ST6GALNAC6: variants seen among roughly 807,000 people sequenced by gnomAD.
ST6GALNAC6 encodes the protein alpha-N-acetylgalactosaminide alpha-2,6-sialyltransferase 6.
A neutral mutation model predicts 34.3 loss-of-function variants in ST6GALNAC6; 19 were observed. The observed-to-expected ratio is 0.55, with a 90% CI of 0.39 to 0.81. The LOEUF (loss-of-function observed/expected upper bound fraction) is 0.81, where lower values mean the gene tolerates loss of function less well. Ranked by LOEUF, ST6GALNAC6 falls within the 40% of genes least tolerant of loss-of-function variation. The pLI is 0.00. For missense variants in ST6GALNAC6, 377 were observed against 467.7 expected (o/e 0.81, Z 1.79); for synonymous variants, 185 against 182.1 (o/e 1.02, Z -0.13).
At position 127,899,572 on chromosome 9, in the gene ST6GALNAC6, G is replaced by A. The variant is rs933909823; in HGVS notation, c.-99C>T. 10 of 981,148 alleles carry A rather than the reference G, an allele frequency of 1.0e-5. No homozygotes were observed. In the South Asian group the frequency reaches 2.3e-4, roughly 23 times the overall value. 60.8% of individuals were successfully genotyped at this position (981,148 alleles called of 1,614,324 possible). ...CACATGGCGCCGGGAGCCGAGCGCCGGGGTCCGCGCTCCTCAGGCCGCCCA... is the reference window on the plus strand; with the variant it reads ...CACATGGCGCCGGGAGCCGAGCGCCAGGGTCCGCGCTCCTCAGGCCGCCCA... On this transcript the variant is annotated 5_prime_UTR_variant, in exon 1 of 7. Coordinates refer to ENST00000373146, the MANE Select transcript of ST6GALNAC6 (RefSeq NM_013443.5).
In ST6GALNAC6 at chr9:127,885,368, G is replaced by A. The variant is rs564641365; in HGVS notation, c.*1231C>T. The A allele has an allele frequency of 3.3e-4, 51 of 152,530 alleles. No homozygotes were observed. The highest frequency in any genetic ancestry group is 1.2e-3 in the African/African-American group (49 of 41,572). 9.4% of individuals were successfully genotyped at this position (152,530 alleles called of 1,614,324 possible). ...CCTGTACAAATCATTACAAAACCAA[G>A]TCTGGGGCAGTCACCGCCCCCACCC... On this transcript the variant is annotated 3_prime_UTR_variant, in exon 7 of 7. Transcript: ENST00000373146.
upstream of ST6GALNAC6, chr9:127,905,401 G>C: frequency 1.0e-6 from 1 of 985,564 alleles, no homozygotes; most frequent in African/African-American, 1.7e-5. Flanking sequence ...GGCCAACCCA[G>C]CAGTAAATAC....
At chr9:127,905,590 G>T (rs1830896601), upstream of ST6GALNAC6, 1 of 284,394 alleles carries the variant, frequency 3.5e-6, no homozygotes, top group African/African-American at 2.3e-5. Context: ...GAGGCAGGGA[G>T]TAGGGAGACA....
intron 5 of ST6GALNAC6, among the ~76,000 whole-genome samples, chr9:127,888,200 T>A (rs982298598): frequency 5.3e-5 from 8 of 152,198 alleles, no homozygotes; most frequent in African/African-American, 1.9e-4. Context: ...TGAGACCTCA[T>A]CTCTACAAAA....
Position 127,886,516 on chromosome 9 carries a change from G to A in ST6GALNAC6, c.*83C>T, listed in dbSNP as rs571694375. ...GGAGACACTCCAGCAAGCCTTGATT[G>A]GCCAGAAGATGGTCCCTGGCCTAGC... On this transcript the variant is annotated 3_prime_UTR_variant, in exon 7 of 7. Coordinates refer to ENST00000373146, the MANE Select transcript of ST6GALNAC6 (RefSeq NM_013443.5). 6.4e-7 allele frequency: 1 copy of A among 1,560,918 alleles called. No individual in the cohort carries two copies. The highest frequency in any genetic ancestry group is 1.2e-5 in the South Asian group (1 of 83,382).
chr9:127,904,185 A>G (rs1056713573), upstream of ST6GALNAC6: 1 of 152,284 alleles, frequency 6.6e-6, no homozygotes, highest in African/African-American at 2.4e-5. Context: ...TTCCAGAGGA[A>G]GAAACTGAGG....
chr9:127,893,593 T>C (rs1377481927), intron 4 of ST6GALNAC6, among the ~76,000 whole-genome samples: 2 of 152,194 alleles, frequency 1.3e-5, no homozygotes, highest in East Asian at 3.8e-4. Flanking sequence ...CTCCCACTTT[T>C]CTGAGTGCTA....
intron 2 of ST6GALNAC6, 125 bp from the exon 3 acceptor site, chr9:127,896,457 T>C (rs1366096806): frequency 1.3e-6 from 1 of 795,522 alleles, no homozygotes; most frequent in African/African-American, 1.8e-5. Flanking sequence ...CAGGACTGTA[T>C]CCCTTTTGCA....
Position 127,894,641 on chromosome 9 carries a change from G to A in ST6GALNAC6, c.168C>T (p.Leu56=). Residue 56 remains leucine, a synonymous_variant, in exon 4 of 7, where the codon CTC becomes CTT. Transcript: ENST00000373146. ...TGGCACTGTTGGAGCTGTAGAGGAT[G>A]AGGATGGTGATGAGGGCAAAGAGGA... ...FVILFALITI[L]ILYSSNSANE... 3 of 1,614,224 alleles carry A rather than the reference G, an allele frequency of 1.9e-6. No homozygotes were observed. The highest frequency in any genetic ancestry group is 2.5e-6 in the Non-Finnish European group (3 of 1,180,040).
At chr9:127,899,783 C>A (rs919950351), upstream of ST6GALNAC6, 19 of 433,534 alleles carry the variant, frequency 4.4e-5, no homozygotes, top group Non-Finnish European at 5.5e-5. Flanking sequence ...CCCCACTGGG[C>A]AGCCCGGGGT....
chr9:127,886,531 C>T lies in ST6GALNAC6; in HGVS notation c.*68G>A. 1 of 1,588,358 alleles carries T rather than the reference C, an allele frequency of 6.3e-7. No homozygotes were observed. Among genetic ancestry groups the T allele is most frequent in the South Asian group, 1.1e-5 (1 of 87,316 alleles). Reference sequence around the variant, plus strand: ...AGCCTTGATTGGCCAGAAGATGGTCCCTGGCCTAGCGGCTGGGCGGAGGCT... The same window carrying T: ...AGCCTTGATTGGCCAGAAGATGGTCTCTGGCCTAGCGGCTGGGCGGAGGCT... On this transcript the variant is annotated 3_prime_UTR_variant, in exon 7 of 7. Transcript: ENST00000373146.
intron 3 of ST6GALNAC6, 86 bp from the exon 4 acceptor site, chr9:127,894,777 C>T (rs1245070779): frequency 2.0e-6 from 3 of 1,503,858 alleles, no homozygotes; most frequent in African/African-American, 1.4e-5. Context: ...GCCTGGTTAA[C>T]TCCTGCTTTT....
Position 127,898,151 on chromosome 9 carries a change from T to C in ST6GALNAC6, c.-29-141A>G, listed in dbSNP as rs1218657682. The stretch of plus-strand genomic sequence containing the variant: ...GGCTCACGTCTGTAATCCCAGCCCT[T>C]TGGGAGGCCGAGGTGGGCAGATCAC... On this transcript the variant is annotated intron_variant, in intron 1 of 6. Transcript: ENST00000373146. 57 of 632,192 alleles carry C rather than the reference T, an allele frequency of 9.0e-5. No homozygotes were observed. In the South Asian group the frequency reaches 9.3e-4, roughly 10 times the overall value. The allele number at this position is 632,192 out of a possible 1,614,324, so 39.2% of individuals were successfully genotyped here.
chr9:127,901,511 G>A (rs545116663), upstream of ST6GALNAC6, among the ~76,000 whole-genome samples: 3 of 152,312 alleles, frequency 2.0e-5, no homozygotes, highest in Non-Finnish European at 4.4e-5. Flanking sequence ...GGAAAGCTAA[G>A]GCAGGAGAAT....
intron 3 of ST6GALNAC6, among the ~76,000 whole-genome samples, chr9:127,895,974 C>T (rs553241287): frequency 1.9e-4 from 29 of 152,226 alleles, no homozygotes; most frequent in Admixed American, 9.8e-4. Context: ...ACAGTCACCT[C>T]GGCTAGTCCT....
chr9:127,891,242 A>C (rs958675684), intron 4 of ST6GALNAC6, among the ~76,000 whole-genome samples, 199 bp from the exon 5 acceptor site: 9 of 152,230 alleles, frequency 5.9e-5, no homozygotes, highest in African/African-American at 2.2e-4. Flanking sequence ...GGAGCAAAAC[A>C]GACCAGGCTT....
At chr9:127,904,291 G>C (rs1260560803), upstream of ST6GALNAC6, 1 of 152,048 alleles carries the variant, frequency 6.6e-6, no homozygotes, top group African/African-American at 2.4e-5. Context: ...GTCTGTGAGA[G>C]CCAGGCCAGG....
intron 4 of ST6GALNAC6, among the ~76,000 whole-genome samples, chr9:127,891,535 C>T (rs1163869866): frequency 6.6e-6 from 1 of 150,732 alleles, no homozygotes; most frequent in Non-Finnish European, 1.5e-5. Context: ...AAGAATTGCT[C>T]GAACCTGGAG....
At chr9:127,905,588 G>A (rs556022535), upstream of ST6GALNAC6, 1 of 286,198 alleles carries the variant, frequency 3.5e-6, no homozygotes, top group Admixed American at 6.5e-5. Flanking sequence ...ATGAGGCAGG[G>A]AGTAGGGAGA....
Sources: allele counts gnomAD v4.1 joint callset (sites outside exome capture counted in the v4.1 genomes callset), GRCh38; gene constraint gnomAD v4.1.1; transcripts MANE v1.5; gene names NCBI Gene and HGNC (gene_info 2026-07-23, HGNC 2026-07-21).